The following JARID2 variants were observed in gnomAD, a reference collection of about 807,000 sequenced individuals.
The protein encoded by JARID2 is protein Jumonji.
A neutral mutation model predicts 125.6 loss-of-function variants in JARID2; 21 were observed. That is an observed-to-expected ratio of 0.17 (90% CI 0.12 to 0.24). JARID2 has a LOEUF of 0.24. Ranked by LOEUF, JARID2 falls within the 10% of genes least tolerant of loss-of-function variation. The pLI, the probability that JARID2 is intolerant of heterozygous loss-of-function variation, is 1.00. For missense variants in JARID2, 1,303 were observed against 1,639.6 expected (o/e 0.79, Z 3.55); for synonymous variants, 736 against 661.6 (o/e 1.11, Z -1.73).
chr6:15,342,664 T>G (rs1211277577), intron 1 of JARID2, among the ~76,000 whole-genome samples: 1 of 152,226 alleles, frequency 6.6e-6, no homozygotes, highest in African/African-American at 2.4e-5. Flanking sequence ...TATTAAGTTC[T>G]ATTAACTTTT....
At chr6:15,391,759 G>A (rs757709934) in intron 2 of JARID2, among the ~76,000 whole-genome samples, 45 of 152,280 alleles carry the variant, frequency 3.0e-4, no homozygotes, top group Non-Finnish European at 5.4e-4. Flanking sequence ...TAGGAGCAAG[G>A]CATGCCTTCA....
At chr6:15,415,557 C>T (rs552448683) in intron 3 of JARID2, among the ~76,000 whole-genome samples, 16 of 141,222 alleles carry the variant, frequency 1.1e-4, no homozygotes, top group African/African-American at 4.7e-4. Flanking sequence ...CAGAGGCGCC[C>T]CTCACCTCCC....
intron 16 of JARID2, 101 bp downstream of exon 16, chr6:15,513,523 C>A: frequency 8.7e-7 from 1 of 1,147,558 alleles, no homozygotes; most frequent in African/African-American, 1.5e-5. Flanking sequence ...GCCCAGGAGA[C>A]CTGCTGTGCT....
chr6:15,340,183 G>A (rs1763020739), intron 1 of JARID2, among the ~76,000 whole-genome samples: 1 of 152,142 alleles, frequency 6.6e-6, no homozygotes, highest in Admixed American at 6.5e-5. Context: ...AATGGGCTGT[G>A]TCTATAAAGT....
intron 1 of JARID2, among the ~76,000 whole-genome samples, chr6:15,334,334 C>CT (rs1762811174): frequency 6.6e-6 from 1 of 151,538 alleles, no homozygotes; most frequent in African/African-American, 2.4e-5. Flanking sequence ...AACATGAGCC[C>CT]TAGAGTTACT....
At chr6:15,278,677 G>A (rs2127370201) in intron 1 of JARID2, among the ~76,000 whole-genome samples, 1 of 152,332 alleles carries the variant, frequency 6.6e-6, no homozygotes, top group South Asian at 2.1e-4. Flanking sequence ...GCTCAGCAGA[G>A]GAAGGGTCTG....
rs201776653 is a variant in JARID2 at position 15,512,270 on chromosome 6, C to T, written c.3015C>T (p.Gly1005=). The change falls in exon 14 of 18, where the codon GGC becomes GGT. Residue 1005 remains glycine, a synonymous_variant. Transcript: ENST00000341776. ...IKVHRTVQQS[G]QFVVCFPGSF... ...TGCACAGGACCGTGCAGCAGAGTGG[C>T]CAGTTTGTCGTCTGCTTCCCGGGAT... The T allele has an allele frequency of 2.7e-5, 43 of 1,614,092 alleles. No homozygotes were observed. In the Admixed American group the frequency reaches 6.0e-4, roughly 23 times the overall value.
chr6:15,379,510 A>G (rs1490045128), intron 2 of JARID2, among the ~76,000 whole-genome samples: 1 of 152,250 alleles, frequency 6.6e-6, no homozygotes, highest in African/African-American at 2.4e-5. Flanking sequence ...TTACACAGTC[A>G]GAGAGGGAAG....
intron 3 of JARID2, among the ~76,000 whole-genome samples, chr6:15,444,632 A>G (rs1377308662): frequency 6.6e-6 from 1 of 150,378 alleles, no homozygotes; most frequent in African/African-American, 2.5e-5. Context: ...TTTTTTGAAT[A>G]GGCCTTTCAG....
chr6:15,266,442 G>A (rs1420572766), intron 1 of JARID2, among the ~76,000 whole-genome samples: 2 of 152,134 alleles, frequency 1.3e-5, no homozygotes, highest in African/African-American at 4.8e-5. Flanking sequence ...AGCAAACCGT[G>A]AGCTCCATAT....
At chr6:15,446,066 T>G (rs1368575292) in intron 3 of JARID2, among the ~76,000 whole-genome samples, 1 of 152,172 alleles carries the variant, frequency 6.6e-6, no homozygotes, top group African/African-American at 2.4e-5. Context: ...CAATCTCCCT[T>G]TTCCTCTGAG....
chr6:15,305,316 G>A (rs961965970), intron 1 of JARID2, among the ~76,000 whole-genome samples: 6 of 152,216 alleles, frequency 3.9e-5, no homozygotes, highest in East Asian at 3.9e-4. Context: ...GAGCAACTCC[G>A]CTGTGGGCCT....
At chr6:15,501,530 C>T (rs533852212) in intron 8 of JARID2, 121 bp downstream of exon 8, 7 of 802,150 alleles carry the variant, frequency 8.7e-6, no homozygotes, top group Admixed American at 3.1e-5. Context: ...GATGAGGGGG[C>T]GGGCCACTGT....
chr6:15,374,754 GGCTCCTTGAT>G (rs1764291365), intron 2 of JARID2, among the ~76,000 whole-genome samples: 1 of 152,124 alleles, frequency 6.6e-6, no homozygotes, highest in African/African-American at 2.4e-5. Context: ...ATTATCACTT[GGCTCCTTGAT>G]GCCTGGAAAG....
At chr6:15,360,464 T>A (rs994860257) in intron 1 of JARID2, among the ~76,000 whole-genome samples, 1 of 152,040 alleles carries the variant, frequency 6.6e-6, no homozygotes, top group African/African-American at 2.4e-5. Flanking sequence ...ATTACAGGAG[T>A]GAGCCACTGT....
At chr6:15,491,150 TTAG>T (rs1390491446) in intron 6 of JARID2, among the ~76,000 whole-genome samples, 3 of 152,254 alleles carry the variant, frequency 2.0e-5, no homozygotes, top group Admixed American at 6.5e-5. Flanking sequence ...GAAAATCATA[TTAG>T]TTTTTAAAAA....
At chr6:15,354,499 C>CAG (rs1763532751) in intron 1 of JARID2, among the ~76,000 whole-genome samples, 1 of 152,172 alleles carries the variant, frequency 6.6e-6, no homozygotes, top group Non-Finnish European at 1.5e-5. Context: ...TTTGTTAACA[C>CAG]AGGGGTTAGA....
intron 2 of JARID2, among the ~76,000 whole-genome samples, chr6:15,381,322 C>T (rs1051496142): frequency 1.6e-5 from 2 of 121,216 alleles, no homozygotes; most frequent in Admixed American, 1.1e-4. Context: ...GCTGGGGCGA[C>T]AGAGGGAGAC....
At chr6:15,494,898 A>T (rs1323266050) in intron 6 of JARID2, among the ~76,000 whole-genome samples, 1 of 152,138 alleles carries the variant, frequency 6.6e-6, no homozygotes, top group Non-Finnish European at 1.5e-5. Flanking sequence ...CCTGACCAGG[A>T]AGTGCAGGCT....
Sources: gnomAD v4.1 joint callset for allele counts (sites outside exome capture counted in the v4.1 genomes callset) on GRCh38, gnomAD v4.1.1 for gene constraint, MANE v1.5 for transcripts, NCBI Gene and HGNC (gene_info 2026-07-23, HGNC 2026-07-21) for gene names.